FDFT1: variants seen among roughly 807,000 people sequenced by gnomAD.
FDFT1 encodes the protein squalene synthase.
Under a neutral mutation model 46.8 loss-of-function variants are expected in FDFT1, and 68 were observed. The ratio of observed to expected loss-of-function variants is 1.45; its 90% CI spans 1.19 to 1.78. The LOEUF is 1.78. FDFT1 is among the 40% of genes most tolerant of loss of function. FDFT1 has a pLI of 0.00. For missense variants in FDFT1, 928 were observed against 524.4 expected, an observed-to-expected ratio of 1.77 and a Z score of -7.52; for synonymous variants, 351 against 185.1, an observed-to-expected ratio of 1.90 and a Z score of -7.28.
At chr8:11,798,653 T>G (rs1414941471), upstream of FDFT1, among the ~76,000 whole-genome samples, 1 of 152,194 alleles carries the variant, frequency 6.6e-6, no homozygotes, top group East Asian at 1.9e-4. Flanking sequence ...GAAGAGAGAT[T>G]TAAAGAATGG....
At chr8:11,834,179 C>T (rs1811231813) in intron 7 of FDFT1, among the ~76,000 whole-genome samples, 1 of 152,170 alleles carries the variant, frequency 6.6e-6, no homozygotes, top group African/African-American at 2.4e-5. Flanking sequence ...AGGGACTTGC[C>T]AGAGGACCTC....
intron 1 of FDFT1, chr8:11,803,197 G>GTCCCC (rs1258502978): frequency 2.1e-5 from 29 of 1,406,080 alleles, no homozygotes; most frequent in Non-Finnish European, 2.6e-5. Context: ...TCCCCGTTTC[G>GTCCCC]TCCCCTCCGT....
chr8:11,796,914 A>C (rs1420489807), intron 1 of FDFT1, among the ~76,000 whole-genome samples: 1 of 152,246 alleles, frequency 6.6e-6, no homozygotes, highest in East Asian at 1.9e-4. Flanking sequence ...TTTCCTGCAG[A>C]GTAGGGCTGC....
intron 4 of FDFT1, among the ~76,000 whole-genome samples, chr8:11,823,747 A>G (rs979025722): frequency 1.3e-5 from 2 of 151,530 alleles, no homozygotes; most frequent in African/African-American, 4.9e-5. Flanking sequence ...ATTTATTTTA[A>G]TTTTTATTAT....
At chr8:11,806,189 C>G (rs1279312731) in intron 1 of FDFT1, among the ~76,000 whole-genome samples, 2 of 152,116 alleles carry the variant, frequency 1.3e-5, no homozygotes, top group African/African-American at 4.8e-5. Flanking sequence ...CACCCTTCCT[C>G]TAAATTCCCT....
intron 3 of FDFT1, among the ~76,000 whole-genome samples, chr8:11,814,369 T>G (rs908425726): frequency 6.6e-6 from 1 of 151,628 alleles, no homozygotes; most frequent in Non-Finnish European, 1.5e-5. Context: ...TCCTAAATTA[T>G]GTGTATTCCT....
chr8:11,821,028 T>G (rs1316485006), intron 3 of FDFT1, among the ~76,000 whole-genome samples: 1 of 152,236 alleles, frequency 6.6e-6, no homozygotes, highest in Non-Finnish European at 1.5e-5. Context: ...AGTTTCTGTT[T>G]GTTGCCCTGA....
At chr8:11,802,437 G>T (rs955040205), upstream of FDFT1, 6 of 460,010 alleles carry the variant, frequency 1.3e-5, no homozygotes, top group Non-Finnish European at 2.2e-5. Context: ...TCCCCACAGC[G>T]TTCGCGCTCC....
At chr8:11,796,401 A>G (rs1805573378) in intron 1 of FDFT1, among the ~76,000 whole-genome samples, 1 of 152,232 alleles carries the variant, frequency 6.6e-6, no homozygotes, top group African/African-American at 2.4e-5. Context: ...TAGAATACAG[A>G]AAGTTCAGGT....
intron 3 of FDFT1, among the ~76,000 whole-genome samples, chr8:11,821,404 A>T (rs1328504296): frequency 6.6e-6 from 1 of 152,234 alleles, no homozygotes; most frequent in African/African-American, 2.4e-5. Context: ...CAGCTTGGCC[A>T]ACATGGTGAA....
At chr8:11,814,030 G>A (rs1252556897) in intron 3 of FDFT1, among the ~76,000 whole-genome samples, 1 of 152,176 alleles carries the variant, frequency 6.6e-6, no homozygotes, top group African/African-American at 2.4e-5. Context: ...GGAAGGATAG[G>A]TGAAGTTCAG....
upstream of FDFT1, among the ~76,000 whole-genome samples, chr8:11,800,775 C>T (rs1042791824): frequency 6.6e-6 from 1 of 152,314 alleles, no homozygotes; most frequent in South Asian, 2.1e-4. Flanking sequence ...AGAGAAGTTA[C>T]TATTTATTCC....
intron 2 of FDFT1, 198 bp from the exon 3 acceptor site, chr8:11,809,469 T>C (rs1807395677): frequency 7.6e-7 from 1 of 1,314,444 alleles, no homozygotes; most frequent in Admixed American, 3.6e-5. Context: ...TTTAATAAAC[T>C]ACAGAAGTTC....
chr8:11,824,707 G>A (rs1809723378), intron 4 of FDFT1, among the ~76,000 whole-genome samples: 1 of 152,132 alleles, frequency 6.6e-6, no homozygotes, highest in Non-Finnish European at 1.5e-5. Flanking sequence ...TACAATGTTT[G>A]TGAGGATTGA....
At chr8:11,814,021 G>GA (rs1483991718) in intron 3 of FDFT1, among the ~76,000 whole-genome samples, 1 of 152,158 alleles carries the variant, frequency 6.6e-6, no homozygotes, top group Non-Finnish European at 1.5e-5. Flanking sequence ...AAAGTCGTTG[G>GA]AAGGATAGGT....
intron 3 of FDFT1, among the ~76,000 whole-genome samples, chr8:11,819,776 G>T (rs374945696): frequency 1.3e-5 from 2 of 152,038 alleles, no homozygotes; most frequent in African/African-American, 4.8e-5. Context: ...AAGTTTCCTT[G>T]CGATCGGTCA....
intron 3 of FDFT1, among the ~76,000 whole-genome samples, chr8:11,812,749 T>A (rs145974778): frequency 6.6e-6 from 1 of 152,356 alleles, no homozygotes; most frequent in East Asian, 1.9e-4. Context: ...AATACAGTGT[T>A]CTAACCCAGT....
intron 7 of FDFT1, among the ~76,000 whole-genome samples, chr8:11,832,900 G>C (rs900169565): frequency 6.6e-6 from 1 of 152,130 alleles, no homozygotes; most frequent in African/African-American, 2.4e-5. Flanking sequence ...TTGTGCATCC[G>C]TCTAGTCCCC....
chr8:11,832,863 C>T (rs1362718397), intron 7 of FDFT1, among the ~76,000 whole-genome samples: 1 of 152,142 alleles, frequency 6.6e-6, no homozygotes, highest in Admixed American at 6.5e-5. Context: ...TGAGCTCCCT[C>T]CCCAGAGGTT....
Sources: gnomAD v4.1 joint callset for allele counts (sites outside exome capture counted in the v4.1 genomes callset) on GRCh38, gnomAD v4.1.1 for gene constraint, MANE v1.5 for transcripts, NCBI Gene and HGNC (gene_info 2026-07-23, HGNC 2026-07-21) for gene names.